Variants in GABPB2 observed in about 807,000 individuals in gnomAD.
GABPB2 encodes the protein GA binding protein transcription factor subunit beta 2, also known as GA-binding protein subunit beta-2.
In GABPB2, 23 loss-of-function variants were observed where a neutral mutation model predicts 39.1. That is an observed-to-expected ratio of 0.59 (90% confidence interval 0.42 to 0.83). GABPB2 has a LOEUF of 0.83. Among genes scored for constraint, GABPB2 ranks in the 40% least tolerant of loss-of-function variants. The pLI is 0.00. For synonymous variants in GABPB2, 184 were observed against 199.3 expected, an observed-to-expected ratio of 0.92 and a Z score of 0.65; for missense variants, 467 against 541.1, an observed-to-expected ratio of 0.86 and a Z score of 1.36.
At chr1:151,093,665 A>G (rs1412227260) in intron 4 of GABPB2, among the ~76,000 whole-genome samples, 2 of 151,352 alleles carry the variant, frequency 1.3e-5, no homozygotes, top group Non-Finnish European at 2.9e-5. Context: ...CATGGTGATT[A>G]AAGAACCATG....
chr1:151,099,904 A>C (rs1234026782), intron 5 of GABPB2, among the ~76,000 whole-genome samples: 4 of 152,218 alleles, frequency 2.6e-5, no homozygotes, highest in Non-Finnish European at 4.4e-5. Flanking sequence ...TCCATTTTAT[A>C]GTAGGGCTTC....
At chr1:151,092,468 G>C (rs1678800569) in intron 3 of GABPB2, among the ~76,000 whole-genome samples, 1 of 151,756 alleles carries the variant, frequency 6.6e-6, no homozygotes, top group Non-Finnish European at 1.5e-5. Flanking sequence ...GACCAGGCTG[G>C]TCTCAGACTC....
chr1:151,115,783 C>A (rs1260160986), intron 7 of GABPB2, among the ~76,000 whole-genome samples: 1 of 152,202 alleles, frequency 6.6e-6, no homozygotes, highest in African/African-American at 2.4e-5. Flanking sequence ...TCTACATCCT[C>A]TCCAGCATTT....
intron 1 of GABPB2, among the ~76,000 whole-genome samples, chr1:151,080,477 C>G (rs6704195): frequency 0.7 from 105,602 of 150,334 alleles, 38,326 homozygotes; most frequent in East Asian, 0.89. Flanking sequence ...TTCCACTGCA[C>G]TCCAGCCTGG....
chr1:151,082,156 A>G lies in GABPB2; in HGVS notation c.1-6034A>G, dbSNP rs1469729764. Among the ~76,000 whole-genome samples the G allele has an allele frequency of 8.9e-5, 13 of 146,506 alleles. No homozygotes were observed. In the East Asian group the frequency reaches 2.6e-3, roughly 29 times the overall value. On this transcript the variant is annotated intron_variant, in intron 1 of 8. Coordinates refer to ENST00000368918, the MANE Select transcript of GABPB2 (RefSeq NM_144618.3). The stretch of plus-strand genomic sequence containing the variant: ...CAGTGGTGCGATCTCGGCTCACCAC[A>G]ACCTCTACCTCCCGGGTCCAAGCGA...
chr1:151,073,875 G>A (rs1044075130), intron 1 of GABPB2, among the ~76,000 whole-genome samples: 3 of 151,590 alleles, frequency 2.0e-5, no homozygotes, highest in African/African-American at 4.8e-5. Context: ...AGCCAAGATC[G>A]CGCCACTGTA....
intron 5 of GABPB2, among the ~76,000 whole-genome samples, chr1:151,099,443 G>A (rs1296159830): frequency 1.3e-5 from 2 of 151,942 alleles, no homozygotes; most frequent in Admixed American, 6.6e-5. Flanking sequence ...TGATCTACCC[G>A]CCTCGGCCTC....
intron 1 of GABPB2, among the ~76,000 whole-genome samples, chr1:151,080,215 CAAAAAAAAAA>C (rs57351502): frequency 6.7e-5 from 2 of 30,020 alleles, no homozygotes; most frequent in East Asian, 1.6e-3. Flanking sequence ...AACTCCATCT[CAAAAAAAAAA>C]AAAAAAAAAA....
At chr1:151,084,067 T>A (rs147338084) in intron 1 of GABPB2, among the ~76,000 whole-genome samples, 5,169 of 149,198 alleles carry the variant, frequency 0.035, 296 homozygotes, top group African/African-American at 0.12. Flanking sequence ...TATAAAAAAA[T>A]ATATATATTT....
intron 5 of GABPB2, among the ~76,000 whole-genome samples, chr1:151,100,992 C>CTCAGCCTT (rs1404167374): frequency 2.0e-5 from 3 of 152,042 alleles, no homozygotes; most frequent in African/African-American, 7.2e-5. Flanking sequence ...CGCCTATAAT[C>CTCAGCCTT]TCAGCACTTT....
intron 1 of GABPB2, among the ~76,000 whole-genome samples, chr1:151,072,418 G>A (rs1676806629): frequency 2.0e-5 from 3 of 152,160 alleles, no homozygotes; most frequent in South Asian, 4.1e-4. Context: ...TCAGCTGGGC[G>A]TGGTAGTGCC....
Position 151,110,005 on chromosome 1 carries a change from ATTTTTTTTTTTTTT to A in GABPB2, c.922+2807_922+2820del, listed in dbSNP as rs71577269. Among the ~76,000 whole-genome samples the A allele has an allele frequency of 1.7e-3, 106 of 60,748 alleles. 1 individual carries two copies. Among genetic ancestry groups the A allele is most frequent in the South Asian group, 2.9e-3 (3 of 1,034 alleles). 39.9% of individuals were successfully genotyped at this position (60,748 alleles called of 152,430 possible). A position where few individuals can be genotyped will look rare whatever the true frequency, so the allele number is the denominator to read the frequency against. ...AATCATGTGCCACCATGCCCAGCTA[ATTTTTTTTTTTTTT>A]TTTTTTTTTTTTTTTTTTTTTTTGC... On this transcript the variant is annotated intron_variant, in intron 7 of 8. Transcript: ENST00000368918.
At position 151,079,998 on chromosome 1, in the gene GABPB2, C is replaced by T. The variant is rs185514952; in HGVS notation, c.1-8192C>T. On this transcript the variant is annotated intron_variant, in intron 1 of 8. Transcript: ENST00000368918. ...TTGGGAGGCTGAGGCTGGTGGATCG[C>T]GAGGTCAGGAGTTCAAGACCAGCCT... Among the ~76,000 whole-genome samples, 497 of 151,804 alleles carry T rather than the reference C, an allele frequency of 3.3e-3. 2 individuals are homozygous for T. Among genetic ancestry groups the T allele is most frequent in the South Asian group, 8.3e-3 (40 of 4,802 alleles).
At chr1:151,106,920 C>CTT (rs1487298219) in intron 6 of GABPB2, 117 bp from the exon 7 acceptor site, 160 of 590,780 alleles carry the variant, frequency 2.7e-4, no homozygotes, top group Non-Finnish European at 3.9e-4. Context: ...TTGAATCTCA[C>CTT]TTTTTTTTTT....
intron 1 of GABPB2, among the ~76,000 whole-genome samples, chr1:151,075,481 G>A (rs1052570185): frequency 2.0e-5 from 3 of 149,334 alleles, no homozygotes; most frequent in Admixed American, 6.8e-5. Flanking sequence ...GGAGAATGGC[G>A]TGAACCCAAG....
At chr1:151,072,782 G>T (rs1270482088) in intron 1 of GABPB2, among the ~76,000 whole-genome samples, 1 of 152,188 alleles carries the variant, frequency 6.6e-6, no homozygotes, top group Non-Finnish European at 1.5e-5. Flanking sequence ...AGCAGGCAGA[G>T]GTTGCAGTGA....
At chr1:151,113,213 A>T (rs1237364467) in intron 7 of GABPB2, among the ~76,000 whole-genome samples, 1 of 151,848 alleles carries the variant, frequency 6.6e-6, no homozygotes, top group African/African-American at 2.4e-5. Context: ...TCACACCTGT[A>T]ATCCCAGCAC....
At chr1:151,073,385 C>T (rs763686553) in intron 1 of GABPB2, among the ~76,000 whole-genome samples, 1 of 152,080 alleles carries the variant, frequency 6.6e-6, no homozygotes, top group East Asian at 1.9e-4. Flanking sequence ...GTACAGCCAG[C>T]AAGGGAGAAC....
At chr1:151,084,029 G>A (rs908133277) in intron 1 of GABPB2, among the ~76,000 whole-genome samples, 3 of 150,092 alleles carry the variant, frequency 2.0e-5, no homozygotes, top group Non-Finnish European at 3.0e-5. Context: ...ATGAGCCACC[G>A]TGCCCATCCT....
Sources: allele counts gnomAD v4.1 joint callset (sites outside exome capture counted in the v4.1 genomes callset), GRCh38; gene constraint gnomAD v4.1.1; transcripts MANE v1.5; gene names NCBI Gene and HGNC (gene_info 2026-07-23, HGNC 2026-07-21).